Variants in EMCN observed in about 807,000 individuals in gnomAD.
EMCN encodes MUC-14.
A neutral mutation model predicts 38.4 loss-of-function variants in EMCN; 37 were observed. That is an observed-to-expected ratio of 0.96 (90% confidence interval 0.74 to 1.27). The LOEUF (loss-of-function observed/expected upper bound fraction) is 1.27. Ranked by LOEUF, EMCN falls within the 50% of genes most tolerant of loss-of-function variation. EMCN has a pLI of 0.00. For missense variants in EMCN, 318 were observed against 302.8 expected (o/e 1.05, Z -0.37); for synonymous variants, 95 against 100.8 (o/e 0.94, Z 0.35).
In EMCN at chr4:100,397,104, A is replaced by G. The variant is rs1010949363; in HGVS notation, c.*1309T>C. The G allele has an allele frequency of 2.6e-5, 4 of 152,142 alleles. No homozygotes were observed. Among genetic ancestry groups the G allele is most frequent in the Non-Finnish European group, 5.9e-5 (4 of 68,032 alleles). The allele number at this position is 152,142 out of a possible 1,614,324, so 9.4% of individuals were successfully genotyped here. ...CTAAAGATGGAAGTTGTCAAAATACATCACCACAAAACAAATTTTAAAAGG... is the reference window on the plus strand; with the variant it reads ...CTAAAGATGGAAGTTGTCAAAATACGTCACCACAAAACAAATTTTAAAAGG... On this transcript the variant is annotated 3_prime_UTR_variant, in exon 12 of 12. Coordinates refer to ENST00000296420, the MANE Select transcript of EMCN (RefSeq NM_016242.4).
intron 5 of EMCN, among the ~76,000 whole-genome samples, chr4:100,433,237 T>C (rs1355879918): frequency 6.6e-6 from 1 of 152,222 alleles, no homozygotes; most frequent in Admixed American, 6.5e-5. Flanking sequence ...GTGTCTAGCT[T>C]ATTTCACTTA....
At chr4:100,400,217 G>A (rs1312899990) in intron 11 of EMCN, among the ~76,000 whole-genome samples, 2 of 152,134 alleles carry the variant, frequency 1.3e-5, no homozygotes, top group African/African-American at 4.8e-5. Flanking sequence ...GAATGTTGCA[G>A]CAGTATCAGA....
intron 2 of EMCN, among the ~76,000 whole-genome samples, chr4:100,477,976 A>G (rs1728705708): frequency 6.6e-6 from 1 of 152,170 alleles, no homozygotes; most frequent in South Asian, 2.1e-4. Context: ...ATTACTGTAT[A>G]CTAATTGCGT....
At chr4:100,463,087 T>C (rs1281013116) in intron 4 of EMCN, among the ~76,000 whole-genome samples, 4 of 152,158 alleles carry the variant, frequency 2.6e-5, no homozygotes, top group African/African-American at 9.7e-5. Context: ...GTGTTTACTA[T>C]ACATAGAAAT....
At chr4:100,436,474 G>T (rs1275963972) in intron 5 of EMCN, among the ~76,000 whole-genome samples, 3 of 152,014 alleles carry the variant, frequency 2.0e-5, no homozygotes, top group Non-Finnish European at 1.5e-5. Context: ...AGACCTAGAG[G>T]CAGAAATACC....
chr4:100,486,275 A>T (rs1382251453), intron 1 of EMCN, among the ~76,000 whole-genome samples: 1 of 152,114 alleles, frequency 6.6e-6, no homozygotes, highest in Non-Finnish European at 1.5e-5. Flanking sequence ...GGAAAGAAAA[A>T]AGTTTATATT....
At chr4:100,448,557 C>A (rs73833336) in intron 4 of EMCN, among the ~76,000 whole-genome samples, 1,668 of 152,190 alleles carry the variant, frequency 0.011, 30 homozygotes, top group African/African-American at 0.038. Context: ...AAAATGTATT[C>A]CAAATTCAAA....
intron 3 of EMCN, among the ~76,000 whole-genome samples, chr4:100,467,543 G>A (rs1436463255): frequency 2.0e-5 from 3 of 151,932 alleles, no homozygotes; most frequent in South Asian, 2.1e-4. Context: ...TTAGCCGGGC[G>A]TGGTGGTGGG....
At chr4:100,479,294 G>C (rs1728744992) in intron 2 of EMCN, among the ~76,000 whole-genome samples, 2 of 152,000 alleles carry the variant, frequency 1.3e-5, no homozygotes, top group African/African-American at 4.8e-5. Flanking sequence ...TACAGGACCT[G>C]TGTGATATGC....
chr4:100,432,463 A>C (rs1181421456), intron 5 of EMCN, among the ~76,000 whole-genome samples: 1 of 152,312 alleles, frequency 6.6e-6, no homozygotes, highest in African/African-American at 2.4e-5. Context: ...TGCTAATGGC[A>C]GGTTCCATGT....
At chr4:100,434,359 G>T (rs1461702190) in intron 5 of EMCN, among the ~76,000 whole-genome samples, 8 of 137,536 alleles carry the variant, frequency 5.8e-5, no homozygotes, top group Non-Finnish European at 1.3e-4. Flanking sequence ...CTGAAATTGA[G>T]GCAGTAATAA....
chr4:100,436,835 G>A (rs556460547), intron 5 of EMCN, among the ~76,000 whole-genome samples: 12 of 152,242 alleles, frequency 7.9e-5, no homozygotes, highest in South Asian at 6.2e-4. Context: ...CACATGGGGC[G>A]GGGGACAACA....
chr4:100,502,878 A>G (rs972724924), intron 1 of EMCN, among the ~76,000 whole-genome samples: 6 of 152,154 alleles, frequency 3.9e-5, no homozygotes, highest in Admixed American at 2.6e-4. Flanking sequence ...AATTATGTCA[A>G]TTGATTTTCT....
At chr4:100,412,124 A>G (rs1726579863) in intron 10 of EMCN, among the ~76,000 whole-genome samples, 1 of 152,184 alleles carries the variant, frequency 6.6e-6, no homozygotes, top group African/African-American at 2.4e-5. Flanking sequence ...GGAGAGCAAG[A>G]GACTCTCTCT....
intron 11 of EMCN, among the ~76,000 whole-genome samples, chr4:100,406,998 T>G (rs1440062497): frequency 1.3e-5 from 2 of 152,148 alleles, no homozygotes; most frequent in Non-Finnish European, 2.9e-5. Context: ...TTTTGATCAT[T>G]TTTGGTTTAA....
At chr4:100,427,032 G>A (rs1277859923) in intron 5 of EMCN, among the ~76,000 whole-genome samples, 1 of 152,004 alleles carries the variant, frequency 6.6e-6, no homozygotes, top group Non-Finnish European at 1.5e-5. Context: ...CTTGGGCAGG[G>A]CATGGTGGCT....
intron 5 of EMCN, among the ~76,000 whole-genome samples, chr4:100,435,457 A>G (rs903469460): frequency 2.0e-5 from 3 of 152,214 alleles, no homozygotes; most frequent in African/African-American, 4.8e-5. Context: ...TGCCCAAAGT[A>G]ATTTATAGAT....
chr4:100,422,342 A>T (rs770317874), intron 7 of EMCN, among the ~76,000 whole-genome samples: 6 of 152,096 alleles, frequency 3.9e-5, no homozygotes, highest in African/African-American at 1.4e-4. Flanking sequence ...AGTAATTTCT[A>T]TGATGACTTA....
At chr4:100,413,280 T>C (rs1489923372) in intron 10 of EMCN, among the ~76,000 whole-genome samples, 3 of 152,204 alleles carry the variant, frequency 2.0e-5, no homozygotes, top group Non-Finnish European at 4.4e-5. Context: ...GTTTTCTGTA[T>C]TTTAAAAATT....
Sources: allele counts gnomAD v4.1 joint callset (sites outside exome capture counted in the v4.1 genomes callset), GRCh38; gene constraint gnomAD v4.1.1; transcripts MANE v1.5; gene names NCBI Gene and HGNC (gene_info 2026-07-23, HGNC 2026-07-21).